Variants in RBFOX1 observed in about 807,000 individuals in gnomAD.
RBFOX1 encodes the protein RNA binding fox-1 homolog 1.
A neutral mutation model predicts 57.7 loss-of-function variants in RBFOX1; 8 were observed. The observed-to-expected ratio is 0.14, with a 90% confidence interval of 0.08 to 0.25. RBFOX1 has a LOEUF of 0.25. Ranked by LOEUF, RBFOX1 falls within the 10% of genes least tolerant of loss-of-function variation. The pLI is 1.00. For missense variants in RBFOX1, 611 were observed against 548.5 expected, an observed-to-expected ratio of 1.11 and a Z score of -1.14; for synonymous variants, 326 against 222.4, an observed-to-expected ratio of 1.47 and a Z score of -4.15.
At chr16:6,921,237 C>T (rs368072221) in intron 3 of RBFOX1, among the ~76,000 whole-genome samples, 4 of 152,276 alleles carry the variant, frequency 2.6e-5, no homozygotes, top group East Asian at 3.9e-4. Flanking sequence ...CAATTTAAAA[C>T]AGCACACATT....
At chr16:6,946,750 A>C (rs2079607590) in intron 3 of RBFOX1, among the ~76,000 whole-genome samples, 1 of 151,866 alleles carries the variant, frequency 6.6e-6, no homozygotes, top group Admixed American at 6.6e-5. Context: ...CTACAGACTC[A>C]CTCCACTCTG....
chr16:6,382,987 C>A (rs959259709), intron 2 of RBFOX1, among the ~76,000 whole-genome samples: 2 of 152,202 alleles, frequency 1.3e-5, no homozygotes, highest in African/African-American at 4.8e-5. Context: ...CTGCAGCCAG[C>A]CCAGGGCTCA....
At chr16:5,997,687 G>A (rs542996907) in intron 4 of RBFOX1, among the ~76,000 whole-genome samples, 31 of 152,174 alleles carry the variant, frequency 2.0e-4, no homozygotes, top group Non-Finnish European at 4.4e-5. Context: ...AAGAGGAATG[G>A]TTTTCACATT....
chr16:6,903,351 C>G (rs1226557259), intron 3 of RBFOX1, among the ~76,000 whole-genome samples: 1 of 152,168 alleles, frequency 6.6e-6, no homozygotes, highest in African/African-American at 2.4e-5. Flanking sequence ...GCTTATAAAG[C>G]AAGAATGATG....
intron 11 of RBFOX1, among the ~76,000 whole-genome samples, chr16:7,637,285 G>A (rs1426006602): frequency 2.1e-5 from 3 of 144,678 alleles, no homozygotes; most frequent in Non-Finnish European, 3.0e-5. Context: ...AAAAAAAAAA[G>A]AAGGAAAAAA....
At chr16:6,958,805 G>T (rs975640455) in intron 3 of RBFOX1, among the ~76,000 whole-genome samples, 5 of 152,106 alleles carry the variant, frequency 3.3e-5, no homozygotes, top group East Asian at 1.9e-4. Flanking sequence ...ATTGGAAATC[G>T]TGTCATTATG....
chr16:5,490,551 G>C (rs1350392419), intron 2 of RBFOX1, among the ~76,000 whole-genome samples: 1 of 152,202 alleles, frequency 6.6e-6, no homozygotes, highest in East Asian at 1.9e-4. Flanking sequence ...TTTTGAGAAT[G>C]GAATCCCCCG....
intron 1 of RBFOX1, among the ~76,000 whole-genome samples, chr16:6,048,277 A>G (rs1428887070): frequency 6.6e-6 from 1 of 152,194 alleles, no homozygotes; most frequent in East Asian, 1.9e-4. Flanking sequence ...ACCTTTGTCT[A>G]TTACACATGC....
At chr16:7,555,778 G>A (rs888847889) in intron 5 of RBFOX1, among the ~76,000 whole-genome samples, 2 of 152,134 alleles carry the variant, frequency 1.3e-5, no homozygotes, top group African/African-American at 4.8e-5. Flanking sequence ...TGATTCAAAT[G>A]TCACCTTCAT....
At chr16:5,810,002 A>T (rs2055363290) in intron 3 of RBFOX1, among the ~76,000 whole-genome samples, 1 of 152,218 alleles carries the variant, frequency 6.6e-6, no homozygotes, top group Non-Finnish European at 1.5e-5. Context: ...GCCATAAAAA[A>T]GGATGAGTTC....
At chr16:6,853,488 G>T (rs929199230) in intron 3 of RBFOX1, among the ~76,000 whole-genome samples, 1 of 152,056 alleles carries the variant, frequency 6.6e-6, no homozygotes, top group Non-Finnish European at 1.5e-5. Context: ...CTACAGTGTG[G>T]TGCTCGAGGA....
At chr16:5,681,388 T>C (rs2050331330) in intron 3 of RBFOX1, among the ~76,000 whole-genome samples, 1 of 147,078 alleles carries the variant, frequency 6.8e-6, no homozygotes, top group Non-Finnish European at 1.5e-5. Context: ...CCAGCTTTTT[T>C]CTTTTTTTTT....
At chr16:7,358,762 G>A (rs537107887) in intron 4 of RBFOX1, among the ~76,000 whole-genome samples, 10 of 152,260 alleles carry the variant, frequency 6.6e-5, no homozygotes, top group Admixed American at 1.3e-4. Context: ...ACAGGTGGTA[G>A]GTGGTACAGC....
intron 2 of RBFOX1, among the ~76,000 whole-genome samples, chr16:6,626,350 G>A (rs376177948): frequency 2.0e-4 from 31 of 152,236 alleles, no homozygotes; most frequent in African/African-American, 7.2e-4. Context: ...GTGGAGGAGT[G>A]GGTGTTGCAG....
intron 2 of RBFOX1, among the ~76,000 whole-genome samples, chr16:6,523,632 A>C (rs1281833578): frequency 6.6e-6 from 1 of 152,300 alleles, no homozygotes; most frequent in Non-Finnish European, 1.5e-5. Context: ...TCAAGATTTT[A>C]TCCAATCTTC....
chr16:7,384,053 CAA>C (rs34230094), intron 4 of RBFOX1, among the ~76,000 whole-genome samples: 11 of 95,834 alleles, frequency 1.1e-4, no homozygotes, highest in African/African-American at 1.1e-4. Flanking sequence ...GACTCCATCT[CAA>C]AAAAAAAAAA....
intron 14 of RBFOX1, among the ~76,000 whole-genome samples, chr16:7,691,966 C>G (rs544271429): frequency 6.6e-6 from 1 of 152,072 alleles, no homozygotes; most frequent in African/African-American, 2.4e-5. Context: ...AATATCATAC[C>G]TGTAGTTAGG....
At chr16:5,966,924 A>G (rs1403441887) in intron 4 of RBFOX1, among the ~76,000 whole-genome samples, 1 of 135,384 alleles carries the variant, frequency 7.4e-6, no homozygotes, top group Non-Finnish European at 1.5e-5. Context: ...CAAATCACTG[A>G]AGATTTATTT....
At chr16:6,050,620 C>T (rs1242271000) in intron 1 of RBFOX1, among the ~76,000 whole-genome samples, 2 of 152,102 alleles carry the variant, frequency 1.3e-5, no homozygotes, top group Non-Finnish European at 2.9e-5. Flanking sequence ...ACCATGGATG[C>T]TCAATGCATT....
Sources: gnomAD v4.1 joint callset for allele counts (sites outside exome capture counted in the v4.1 genomes callset) on GRCh38, gnomAD v4.1.1 for gene constraint, MANE v1.5 for transcripts, NCBI Gene and HGNC (gene_info 2026-07-23, HGNC 2026-07-21) for gene names.